ZNF490: variants seen among roughly 807,000 people sequenced by gnomAD.
ZNF490 encodes zinc finger protein 490.
A neutral mutation model predicts 17.7 loss-of-function variants in ZNF490; 11 were observed. The ratio of observed to expected loss-of-function variants is 0.62; its 90% confidence interval spans 0.39 to 1.03. ZNF490 has a LOEUF of 1.03. Ranked by LOEUF, ZNF490 falls within the 50% of genes least tolerant of loss-of-function variation. ZNF490 has a pLI of 0.00. For missense variants in ZNF490, 542 were observed against 643.4 expected, an observed-to-expected ratio of 0.84 and a Z score of 1.71; for synonymous variants, 222 against 216.1, an observed-to-expected ratio of 1.03 and a Z score of -0.24.
chr19:12,606,506 C>T (rs755691293), intron 2 of ZNF490, among the ~76,000 whole-genome samples: 1 of 151,616 alleles, frequency 6.6e-6, no homozygotes, highest in South Asian at 2.1e-4. Context: ...CACCATGCCC[C>T]GCTAATTTTT....
intron 2 of ZNF490, among the ~76,000 whole-genome samples, chr19:12,604,351 A>C (rs2023042010): frequency 6.6e-6 from 1 of 152,012 alleles, no homozygotes; most frequent in Non-Finnish European, 1.5e-5. Context: ...CCCCATCTCT[A>C]CTTAAAATAC....
intron 2 of ZNF490, among the ~76,000 whole-genome samples, chr19:12,597,558 T>C (rs1265695839): frequency 6.6e-6 from 1 of 152,186 alleles, no homozygotes; most frequent in Non-Finnish European, 1.5e-5. Flanking sequence ...CTAGAACTGA[T>C]TTAATCTTGC....
At chr19:12,597,139 G>A (rs1159864147) in intron 2 of ZNF490, 9 of 462,188 alleles carry the variant, frequency 1.9e-5, no homozygotes, top group Non-Finnish European at 3.9e-5. Context: ...TCCCGGCCCC[G>A]CACACTCACC....
chr19:12,585,989 C>T lies in ZNF490; in HGVS notation c.163-2433G>A, dbSNP rs1248337934. 1.4e-4 allele frequency among the ~76,000 whole-genome samples: 13 copies of T among 91,972 alleles called. 4 individuals are homozygous for T. Among genetic ancestry groups the T allele is most frequent in the African/African-American group, 4.2e-4 (13 of 30,942 alleles). The allele number at this position is 91,972 out of a possible 152,430, so 60.3% of individuals were successfully genotyped here. ...TACAGGAATGAGTCACCACTCCTGG[C>T]CTGGGTTTTTGTTTTAAAACAGTAG... On this transcript the variant is annotated intron_variant, in intron 2 of 4. Transcript: ENST00000311437.
chr19:12,602,339 G>A (rs1459386446), intron 2 of ZNF490, among the ~76,000 whole-genome samples: 1 of 152,100 alleles, frequency 6.6e-6, no homozygotes, highest in Non-Finnish European at 1.5e-5. Context: ...CTGAGGTCAG[G>A]AACTTGAGAC....
intron 2 of ZNF490, among the ~76,000 whole-genome samples, chr19:12,589,571 T>C (rs78099479): frequency 5.7e-5 from 8 of 139,942 alleles, no homozygotes; most frequent in East Asian, 3.9e-4. Context: ...TCTTCTTCTT[T>C]TTTTTTTTTT....
chr19:12,580,861 A>T lies in ZNF490; in HGVS notation c.1214T>A (p.Leu405His). The change falls in exon 5 of 5, where the codon CTT (leucine) becomes CAT (histidine). Residue 405 changes from leucine to histidine, a missense_variant. Physicochemically the swap from Leu to His is moderately conservative, Grantham distance 99. Coordinates refer to ENST00000311437, the MANE Select transcript of ZNF490 (RefSeq NM_020714.3). ...AGTGTGAACTCTTTCGTGCAACTGA[A>T]GGTAACTTGAAGAATTGAAGGCTTT... ...CGKAFNSSSY[L>H]QLHERVHTGE... is the part of the protein sequence containing the mutation. 1 of 1,614,142 alleles carries T rather than the reference A, an allele frequency of 6.2e-7. No homozygotes were observed. The highest frequency in any genetic ancestry group is 1.1e-5 in the South Asian group (1 of 91,086).
At chr19:12,582,543 C>T (rs1045282906) in intron 4 of ZNF490, among the ~76,000 whole-genome samples, 5 of 151,898 alleles carry the variant, frequency 3.3e-5, no homozygotes, top group East Asian at 1.9e-4. Flanking sequence ...TATAGGTGCA[C>T]GCCACCACGC....
intron 2 of ZNF490, among the ~76,000 whole-genome samples, chr19:12,603,478 ACT>A (rs2023030409): frequency 6.6e-6 from 1 of 151,584 alleles, no homozygotes; most frequent in Non-Finnish European, 1.5e-5. Context: ...ACAGAGTAAG[ACT>A]CTGTCTCAAA....
Position 12,581,660 on chromosome 19 carries a change from G to A in ZNF490, c.415C>T (p.Gln139Ter). The A allele has an allele frequency of 1.2e-6, 2 of 1,614,062 alleles. No individual in the cohort carries two copies. The highest frequency in any genetic ancestry group is 2.2e-5 in the East Asian group (1 of 44,872). ...AGGTTCGTATTAAGATCAGGAATCT[G>A]GCTAGTGCTTTTTCCACATGGACAA... ...EDCPCGKSTS[Q>*]IPDLNTNLET... Residue 139 changes from glutamine to a stop codon, truncating the protein, a stop_gained, in exon 5 of 5, where the codon CAG (glutamine) becomes TAG (stop). Coordinates refer to ENST00000311437, the MANE Select transcript of ZNF490 (RefSeq NM_020714.3). LOFTEE classifies it low-confidence loss of function (END_TRUNC).
intron 2 of ZNF490, among the ~76,000 whole-genome samples, chr19:12,601,849 C>T (rs2023008298): frequency 6.6e-6 from 1 of 151,558 alleles, no homozygotes; most frequent in Non-Finnish European, 1.5e-5. Flanking sequence ...AAAAAATTAG[C>T]CGGGCTTGGT....
chr19:12,581,891 G>T (rs1454343815), intron 4 of ZNF490, among the ~76,000 whole-genome samples, 167 bp from the exon 5 acceptor site: 3 of 152,054 alleles, frequency 2.0e-5, no homozygotes, highest in African/African-American at 7.2e-5. Flanking sequence ...AACAGGCCGT[G>T]ACCATAGCTA....
In ZNF490 at chr19:12,587,138, T is replaced by C. The variant is rs1205565158; in HGVS notation, c.163-3582A>G. ...GCAAGAAATTCGCTTTTTTTTTTTTTTTTACTTTGTTTTTTAGAGACAGGG... is the reference window on the plus strand; with the variant it reads ...GCAAGAAATTCGCTTTTTTTTTTTTCTTTACTTTGTTTTTTAGAGACAGGG... On this transcript the variant is annotated intron_variant, in intron 2 of 4. Transcript: ENST00000311437. Among the ~76,000 whole-genome samples the C allele has an allele frequency of 5.7e-5, 5 of 87,698 alleles. 2 individuals carry two copies. The highest frequency in any genetic ancestry group is 1.5e-4 in the Non-Finnish European group (5 of 33,308). The allele number at this position is 87,698 out of a possible 152,430, so 57.5% of individuals were successfully genotyped here. A position where few individuals can be genotyped will look rare whatever the true frequency, so the allele number is the denominator to read the frequency against.
At chr19:12,597,341 C>A (rs1001793700) in intron 2 of ZNF490, 2 of 344,226 alleles carry the variant, frequency 5.8e-6, no homozygotes, top group Non-Finnish European at 1.2e-5. Context: ...AACACCGATG[C>A]TGACTGGACA....
chr19:12,602,472 C>A (rs2145164233), intron 2 of ZNF490, among the ~76,000 whole-genome samples: 1 of 152,200 alleles, frequency 6.6e-6, no homozygotes, highest in Non-Finnish European at 1.5e-5. Flanking sequence ...ATCACTTAAA[C>A]CCAGGAGACA....
At chr19:12,601,601 T>C (rs1194467161) in intron 2 of ZNF490, among the ~76,000 whole-genome samples, 1 of 152,036 alleles carries the variant, frequency 6.6e-6, no homozygotes, top group Admixed American at 6.6e-5. Flanking sequence ...CCCAGGCTGG[T>C]CTTGAACTCC....
chr19:12,603,700 G>C (rs2023033306), intron 2 of ZNF490, among the ~76,000 whole-genome samples: 1 of 151,378 alleles, frequency 6.6e-6, no homozygotes, highest in African/African-American at 2.4e-5. Flanking sequence ...GCTGTGGTGG[G>C]ATCATTGCTT....
chr19:12,610,386 C>G (rs555075830), intron 1 of ZNF490, among the ~76,000 whole-genome samples, 178 bp downstream of exon 1: 1 of 147,524 alleles, frequency 6.8e-6, no homozygotes, highest in African/African-American at 2.5e-5. Context: ...GGTTCCTTTT[C>G]TAAAGTGCCA....
chr19:12,595,411 C>T (rs1036587956), intron 2 of ZNF490, among the ~76,000 whole-genome samples: 1 of 152,000 alleles, frequency 6.6e-6, no homozygotes, highest in Admixed American at 6.6e-5. Context: ...CCATGTCCAG[C>T]CTTTTTTTTA....
Sources: allele counts gnomAD v4.1 joint callset (sites outside exome capture counted in the v4.1 genomes callset), GRCh38; gene constraint gnomAD v4.1.1; transcripts MANE v1.5; gene names NCBI Gene and HGNC (gene_info 2026-07-23, HGNC 2026-07-21).